The following ASXL1 variants were observed in gnomAD, a reference collection of about 807,000 sequenced individuals.
ASXL1 encodes ASXL transcriptional regulator 1.
ASXL1 carries 65 observed loss-of-function variants against 89.1 expected under a neutral mutation model. The observed-to-expected ratio is 0.73, with a 90% CI of 0.60 to 0.90. The LOEUF (loss-of-function observed/expected upper bound fraction) is 0.90, where lower values mean the gene tolerates loss of function less well. Ranked by LOEUF, ASXL1 falls within the 40% of genes least tolerant of loss-of-function variation. The pLI, the probability that ASXL1 is intolerant of heterozygous loss-of-function variation, is 0.00. For missense variants in ASXL1, 1,786 were observed against 1,942.9 expected (o/e 0.92, Z 1.52); for synonymous variants, 739 against 746.9 (o/e 0.99, Z 0.17).
In ASXL1 at chr20:32,387,758, C is replaced by A. The variant is rs368832331; in HGVS notation, c.252+18635C>A. On this transcript the variant is annotated intron_variant, in intron 4 of 12. Transcript: ENST00000375687. ...TTTGTTTCTCTGTCATTGATGACTT[C>A]CAAGTTATATCCCCATCCTGGATAT... 6.6e-5 allele frequency among the ~76,000 whole-genome samples: 10 copies of A among 152,282 alleles called. No individual in the cohort carries two copies. In the East Asian group the frequency reaches 1.9e-3, roughly 29 times the overall value.
intron 4 of ASXL1, among the ~76,000 whole-genome samples, chr20:32,406,367 T>A (rs1271158314): frequency 6.6e-6 from 1 of 151,006 alleles, no homozygotes; most frequent in Non-Finnish European, 1.5e-5. Context: ...GGGCAACATG[T>A]CAAAACCCCA....
intron 4 of ASXL1, among the ~76,000 whole-genome samples, chr20:32,375,299 A>G (rs1237956304): frequency 6.6e-6 from 1 of 152,010 alleles, no homozygotes; most frequent in Non-Finnish European, 1.5e-5. Context: ...AATACAAAAA[A>G]TTAGCTGGGT....
intron 4 of ASXL1, among the ~76,000 whole-genome samples, chr20:32,370,029 C>G (rs2048275270): frequency 6.6e-6 from 1 of 151,984 alleles, no homozygotes; most frequent in South Asian, 2.1e-4. Flanking sequence ...ACAGATGTGC[C>G]TTAATTAGGA....
intron 12 of ASXL1, chr20:32,434,122 T>C (rs955173207): frequency 6.3e-6 from 5 of 788,658 alleles, no homozygotes; most frequent in Admixed American, 2.9e-5. Context: ...GTTGAAGTTA[T>C]CTTGAGAGGT....
chr20:32,435,587 C>T lies in ASXL1; in HGVS notation c.2875C>T (p.Leu959Phe). Reference protein sequence around the residue: ...GLDPLDSLTSLWTVPSRGGSD... With the variant: ...GLDPLDSLTSFWTVPSRGGSD... ...AGATCCTCTTGACAGCCTTACTTCA[C>T]TCTGGACTGTGCCATCTCGAGGAGG... Residue 959 changes from leucine (L) to phenylalanine (F), a missense_variant, in exon 13 of 13, where the codon CTC (leucine) becomes TTC (phenylalanine). This residue lies in a region of ASXL1 where 1,418 missense variants were observed against 1,427.8 expected (regional missense o/e 0.99). Coordinates refer to ENST00000375687, the MANE Select transcript of ASXL1 (RefSeq NM_015338.6). 6.2e-7 allele frequency: 1 copy of T among 1,614,148 alleles called. No individual in the cohort carries two copies. The highest frequency in any genetic ancestry group is 8.5e-7 in the Non-Finnish European group (1 of 1,180,044).
chr20:32,360,817 CCT>C (rs754263313), intron 1 of ASXL1: 54 of 163,036 alleles, frequency 3.3e-4, no homozygotes, highest in Admixed American at 9.7e-4. Flanking sequence ...GTAAGTTATT[CCT>C]CTTTTTCTTC....
chr20:32,371,709 A>G (rs991031140), intron 4 of ASXL1: 3 of 419,094 alleles, frequency 7.2e-6, no homozygotes, highest in Admixed American at 2.5e-5. Flanking sequence ...GGGCTCAAGC[A>G]GTAGTCCCAC....
chr20:32,430,443 C>T (rs536690998), intron 8 of ASXL1: 32 of 254,774 alleles, frequency 1.3e-4, no homozygotes, highest in African/African-American at 5.2e-4. Flanking sequence ...CTGTATCAGA[C>T]GCTCCCTTTT....
At chr20:32,430,225 C>T in intron 8 of ASXL1, 172 bp downstream of exon 8, 2 of 905,178 alleles carry the variant, frequency 2.2e-6, no homozygotes, top group Non-Finnish European at 3.2e-6. Flanking sequence ...TTGTAGCTCT[C>T]TGCTAAACTG....
intron 4 of ASXL1, among the ~76,000 whole-genome samples, chr20:32,406,033 G>A (rs553140040): frequency 6.6e-6 from 1 of 152,164 alleles, no homozygotes; most frequent in Admixed American, 6.5e-5. Context: ...CTAAATGTTT[G>A]CTGCTGTTGG....
At chr20:32,409,858 T>C (rs762152025) in intron 4 of ASXL1, among the ~76,000 whole-genome samples, 33 of 152,248 alleles carry the variant, frequency 2.2e-4, no homozygotes, top group Non-Finnish European at 4.1e-4. Flanking sequence ...CATGGTACAT[T>C]TGTTTGTCAA....
intron 4 of ASXL1, among the ~76,000 whole-genome samples, chr20:32,371,221 A>G (rs961574365): frequency 3.9e-5 from 6 of 152,152 alleles, no homozygotes; most frequent in African/African-American, 1.4e-4. Context: ...TCCTTAATAA[A>G]TGATAGCCTT....
rs958059333 is a variant in ASXL1 at position 32,358,519 on chromosome 20, G to A, written c.-257G>A. 8.9e-6 allele frequency: 2 copies of A among 225,186 alleles called. No individual in the cohort carries two copies. Among genetic ancestry groups the A allele is most frequent in the Non-Finnish European group, 1.8e-5 (2 of 112,932 alleles). 13.9% of individuals were successfully genotyped at this position (225,186 alleles called of 1,614,324 possible). A position where few individuals can be genotyped will look rare whatever the true frequency, so the allele number is the denominator to read the frequency against. On this transcript the variant is annotated 5_prime_UTR_variant, in exon 1 of 13. Transcript: ENST00000375687. ...CCGCCGCATTCCTTAGCGATCGCGGGGCAGCCGCCGCTGCCGCCGTGGGCG... is the reference window on the plus strand; with the variant it reads ...CCGCCGCATTCCTTAGCGATCGCGGAGCAGCCGCCGCTGCCGCCGTGGGCG...
At chr20:32,395,479 T>C (rs2048745902) in intron 4 of ASXL1, among the ~76,000 whole-genome samples, 1 of 152,240 alleles carries the variant, frequency 6.6e-6, no homozygotes, top group South Asian at 2.1e-4. Context: ...GTGTTTATTA[T>C]ATACTTTGTT....
intron 4 of ASXL1, among the ~76,000 whole-genome samples, chr20:32,386,753 T>C (rs1031563808): frequency 8.6e-5 from 13 of 151,760 alleles, no homozygotes; most frequent in African/African-American, 3.1e-4. Context: ...AAATGCCATA[T>C]TGATTCCTGA....
chr20:32,358,981 G>C (rs949975924), intron 1 of ASXL1, 149 bp downstream of exon 1: 6 of 868,208 alleles, frequency 6.9e-6, no homozygotes, highest in Middle Eastern at 3.5e-4. Flanking sequence ...AGCCCCGCAA[G>C]GCGAGGGGTG....
chr20:32,396,056 C>T (rs1009610550), intron 4 of ASXL1, among the ~76,000 whole-genome samples: 3 of 152,142 alleles, frequency 2.0e-5, no homozygotes, highest in Admixed American at 1.3e-4. Context: ...GCCTCAGCCT[C>T]CTAGAGTGCT....
Position 32,434,445 on chromosome 20 carries a change from G to A in ASXL1, c.1733G>A (p.Arg578His), listed in dbSNP as rs921565741. The change falls in exon 13 of 13, where the codon CGT (arginine) becomes CAT (histidine). Residue 578 changes from arginine to histidine, a missense_variant. Physicochemically the swap from Arg to His is conservative, Grantham distance 29. Transcript: ENST00000375687. ...CTTTTTTTGCAGATTCAACTTTCAC[G>A]TATCAAACCACCCTGGGTGGTTAAA... is the stretch of plus-strand genomic sequence containing the variant. ...KVPPIRIQLS[R>H]IKPPWVVKGQ... 1.9e-6 allele frequency: 3 copies of A among 1,613,820 alleles called. No individual in the cohort carries two copies. The highest frequency in any genetic ancestry group is 2.5e-6 in the Non-Finnish European group (3 of 1,180,032).
At chr20:32,381,719 T>C (rs1161298538) in intron 4 of ASXL1, among the ~76,000 whole-genome samples, 1 of 151,882 alleles carries the variant, frequency 6.6e-6, no homozygotes, top group African/African-American at 2.4e-5. Flanking sequence ...TTTCACCATG[T>C]TGGCCAGGAT....
Sources: gnomAD v4.1 joint callset for allele counts (sites outside exome capture counted in the v4.1 genomes callset) on GRCh38, gnomAD v4.1.1 for gene constraint, gnomAD v4.1.1 regional missense constraint, MANE v1.5 for transcripts, NCBI Gene and HGNC (gene_info 2026-07-23, HGNC 2026-07-21) for gene names.